Variants in KIF4A observed in about 807,000 individuals in gnomAD.
KIF4A encodes chromosome-associated kinesin KIF4A.
In KIF4A, 7 loss-of-function variants were observed where a neutral mutation model predicts 105.9. The observed-to-expected ratio is 0.07, with a 90% CI of 0.04 to 0.12. The LOEUF is 0.12. KIF4A is among the 10% of genes least tolerant of loss of function. KIF4A has a pLI of 1.00. For synonymous variants in KIF4A, 281 were observed against 331.3 expected, an observed-to-expected ratio of 0.85 and a Z score of 1.65; for missense variants, 558 against 929.2, an observed-to-expected ratio of 0.60 and a Z score of 5.19.
chrX:70,387,857 C>T (rs1259602241), intron 20 of KIF4A, among the ~76,000 whole-genome samples: 3 of 111,681 alleles, frequency 2.7e-5, no homozygotes, highest in Non-Finnish European at 5.6e-5. Context: ...GACAGTGAAA[C>T]TCTGTCTCAA....
Position 70,403,974 on chromosome X carries a change from C to G in KIF4A, c.2730C>G (p.Ala910=), listed in dbSNP as rs201838413. 9.1e-6 allele frequency: 11 copies of G among 1,209,561 alleles called. No homozygotes were observed. In the East Asian group the frequency reaches 3.0e-4, roughly 33 times the overall value. ...TGTTTGAGGAACGAAATCATTTTGC[C>G]GAGATAGAGACAGAGTTACAAGCTG... The part of the protein sequence containing the change: ...KMLFEERNHF[A]EIETELQAEL... The change falls in exon 24 of 31, where the codon GCC becomes GCG. Residue 910 remains alanine, a synonymous_variant. Coordinates refer to ENST00000374403, the MANE Select transcript of KIF4A (RefSeq NM_012310.5).
intron 7 of KIF4A, among the ~76,000 whole-genome samples, chrX:70,307,111 G>A (rs914477211): frequency 4.5e-5 from 5 of 110,595 alleles, no homozygotes; most frequent in African/African-American, 9.8e-5. Flanking sequence ...AGGCATGAGC[G>A]ACTGTGCTTG....
intron 7 of KIF4A, among the ~76,000 whole-genome samples, chrX:70,310,348 T>TGTGTGTGTGTGTGTGC (rs56051172): frequency 1.4e-4 from 15 of 107,558 alleles, no homozygotes; most frequent in Non-Finnish European, 2.1e-4. Context: ...TGTGTGTGTG[T>TGTGTGTGTGTGTGTGC]GCCTGGATTC....
At chrX:70,333,786 G>A (rs954817576) in intron 10 of KIF4A, 97 bp downstream of exon 10, 6 of 591,337 alleles carry the variant, frequency 1.0e-5, no homozygotes, top group African/African-American at 4.5e-5. Context: ...TTGGTGTCAC[G>A]GTAAGGATCT....
chrX:70,360,664 C>A (rs1170833955), intron 15 of KIF4A, among the ~76,000 whole-genome samples: 1 of 112,960 alleles, frequency 8.9e-6, no homozygotes, highest in East Asian at 2.8e-4. Flanking sequence ...GGCTTCTGGG[C>A]AGAAAGGGCA....
intron 28 of KIF4A, chrX:70,415,386 G>A (rs1279053774): frequency 4.1e-6 from 1 of 244,748 alleles, no homozygotes; most frequent in African/African-American, 3.0e-5. Context: ...GAGGCAAGAG[G>A]ATTGCTTGAG....
At chrX:70,391,331 A>G (rs1210730807) in intron 20 of KIF4A, among the ~76,000 whole-genome samples, 1 of 111,559 alleles carries the variant, frequency 9.0e-6, no homozygotes, top group Non-Finnish European at 1.9e-5. Context: ...GCTGTCTGTA[A>G]ATACAATTTT....
intron 22 of KIF4A, 27 bp downstream of exon 22, chrX:70,396,076 A>C (rs2086258558): frequency 9.8e-7 from 1 of 1,023,035 alleles, no homozygotes; most frequent in Admixed American, 2.6e-5. Flanking sequence ...CTAAGCCATT[A>C]TAAAAATTTA....
In KIF4A at chrX:70,420,850, C is replaced by T. The variant is rs1063088; in HGVS notation, c.*585C>T. On this transcript the variant is annotated 3_prime_UTR_variant, in exon 31 of 31. Coordinates refer to ENST00000374403, the MANE Select transcript of KIF4A (RefSeq NM_012310.5). ...TACTGTTTGGGAAGATCCTTCTGTG[C>T]TAGAGGGAGAAATAAAATTTCAACC... The T allele has an allele frequency of 0.058, 6,470 of 111,778 alleles. 187 individuals carry two copies. Among genetic ancestry groups the T allele is most frequent in the Middle Eastern group, 0.092 (20 of 217 alleles). 9.2% of individuals were successfully genotyped at this position (111,778 alleles called of 1,213,427 possible).
chrX:70,356,227 G>C (rs1250417716), intron 15 of KIF4A, among the ~76,000 whole-genome samples: 1 of 110,749 alleles, frequency 9.0e-6, no homozygotes, highest in African/African-American at 3.3e-5. Flanking sequence ...GCTGCAGTGA[G>C]CTGAGATCAC....
At chrX:70,345,405 A>AAC (rs1288681651) in intron 13 of KIF4A, among the ~76,000 whole-genome samples, 1 of 108,111 alleles carries the variant, frequency 9.2e-6, no homozygotes, top group Admixed American at 9.9e-5. Context: ...TGGAGGTTGC[A>AAC]GTGAGCCGAG....
intron 15 of KIF4A, among the ~76,000 whole-genome samples, chrX:70,359,607 T>C (rs1207408521): frequency 2.7e-5 from 3 of 110,127 alleles, no homozygotes; most frequent in Non-Finnish European, 5.7e-5. Flanking sequence ...CCTTAGGGTG[T>C]GAATCTTTTC....
Position 70,384,826 on chromosome X carries a change from C to CT in KIF4A, c.2035-1777dup, listed in dbSNP as rs371784485. ...AAAAAGAAGGCTAAGAAGAGAATCT[C>CT]TTTTTTTTTTTTTTTGGTCTCACCC... is the stretch of plus-strand genomic sequence containing the variant. On this transcript the variant is annotated intron_variant, in intron 18 of 30. Coordinates refer to ENST00000374403, the MANE Select transcript of KIF4A (RefSeq NM_012310.5). 9.7e-3 allele frequency among the ~76,000 whole-genome samples: 953 copies of CT among 98,570 alleles called. 10 individuals carry two copies. Among genetic ancestry groups the CT allele is most frequent in the African/African-American group, 0.02 (560 of 27,352 alleles). 85.6% of individuals were successfully genotyped at this position (98,570 alleles called of 115,157 possible).
chrX:70,330,383 A>G, intron 9 of KIF4A, 51 bp downstream of exon 9: 3 of 1,044,136 alleles, frequency 2.9e-6, no homozygotes, highest in Non-Finnish European at 4.0e-6. Context: ...TGTGAGTGGA[A>G]TGATAGAGCT....
At chrX:70,304,137 T>G (rs1245360910) in intron 7 of KIF4A, among the ~76,000 whole-genome samples, 18 of 87,378 alleles carry the variant, frequency 2.1e-4, no homozygotes, top group African/African-American at 7.1e-4. Context: ...CCCCTTCCTG[T>G]GTCCATGTGT....
chrX:70,346,023 A>G (rs1201770436), intron 13 of KIF4A, among the ~76,000 whole-genome samples: 1 of 111,722 alleles, frequency 9.0e-6, no homozygotes, highest in Non-Finnish European at 1.9e-5. Context: ...GGGAAGGGAC[A>G]GGCCAACTCT....
intron 28 of KIF4A, among the ~76,000 whole-genome samples, chrX:70,417,025 AC>A (rs757796152): frequency 8.8e-6 from 1 of 113,142 alleles, no homozygotes; most frequent in East Asian, 2.8e-4. Flanking sequence ...GGATGAAAGT[AC>A]AGCTTGGTAA....
At chrX:70,417,417 C>T (rs142731904) in intron 28 of KIF4A, among the ~76,000 whole-genome samples, 10,241 of 111,474 alleles carry the variant, frequency 0.092, 367 homozygotes, top group East Asian at 0.23. Flanking sequence ...TAGGCCGAGG[C>T]AGGTGGATCG....
intron 3 of KIF4A, among the ~76,000 whole-genome samples, chrX:70,292,493 A>G (rs1287851212): frequency 8.9e-6 from 1 of 112,419 alleles, no homozygotes; most frequent in African/African-American, 3.2e-5. Flanking sequence ...TAGCAGGAAT[A>G]TCACAGAAGT....
Sources: gnomAD v4.1 joint callset for allele counts (sites outside exome capture counted in the v4.1 genomes callset) on GRCh38, gnomAD v4.1.1 for gene constraint, MANE v1.5 for transcripts, NCBI Gene and HGNC (gene_info 2026-07-23, HGNC 2026-07-21) for gene names.